Variants in TMEFF1 observed in about 807,000 individuals in gnomAD.
The protein encoded by TMEFF1 is tomoregulin-1.
A neutral mutation model predicts 47.5 loss-of-function variants in TMEFF1; 20 were observed. The ratio of observed to expected loss-of-function variants is 0.42; its 90% CI spans 0.30 to 0.61. The LOEUF (loss-of-function observed/expected upper bound fraction) is 0.61. Among genes scored for constraint, TMEFF1 ranks in the 20% least tolerant of loss-of-function variants. The pLI, the probability that TMEFF1 is intolerant of heterozygous loss-of-function variation, is 0.19. For missense variants in TMEFF1, 411 were observed against 471.1 expected (o/e 0.87, Z 1.18); for synonymous variants, 162 against 166.3 (o/e 0.97, Z 0.20).
At chr9:100,479,417 G>A (rs930757571) in intron 1 of TMEFF1, among the ~76,000 whole-genome samples, 2 of 152,176 alleles carry the variant, frequency 1.3e-5, no homozygotes, top group African/African-American at 4.8e-5. Flanking sequence ...AAGGGGTACA[G>A]TTAAGTGGAT....
chr9:100,511,205 T>G (rs1269221529), intron 3 of TMEFF1, among the ~76,000 whole-genome samples: 1 of 152,200 alleles, frequency 6.6e-6, no homozygotes, highest in Non-Finnish European at 1.5e-5. Flanking sequence ...GATCTAGAAA[T>G]TAAAGAGGAA....
chr9:100,487,994 G>T (rs954552912), intron 1 of TMEFF1, among the ~76,000 whole-genome samples: 4 of 151,946 alleles, frequency 2.6e-5, no homozygotes, highest in African/African-American at 7.3e-5. Flanking sequence ...CATCTTTGTG[G>T]GTGATTTCCC....
chr9:100,549,811 G>A (rs1195293669), intron 6 of TMEFF1, among the ~76,000 whole-genome samples: 1 of 152,132 alleles, frequency 6.6e-6, no homozygotes, highest in Non-Finnish European at 1.5e-5. Context: ...TCTCAGAGTA[G>A]GTGTTGTTTT....
chr9:100,523,370 T>G (rs1838201500), intron 5 of TMEFF1, among the ~76,000 whole-genome samples: 2 of 152,290 alleles, frequency 1.3e-5, no homozygotes, highest in South Asian at 4.1e-4. Context: ...AAAAGCAACC[T>G]CTGCATAGCA....
intron 1 of TMEFF1, 86 bp from the exon 2 acceptor site, chr9:100,498,679 T>C (rs1837702603): frequency 1.6e-6 from 2 of 1,285,086 alleles, no homozygotes; most frequent in Non-Finnish European, 2.2e-6. Flanking sequence ...TTAAGGACTT[T>C]TTCATACACA....
intron 5 of TMEFF1, among the ~76,000 whole-genome samples, chr9:100,535,201 T>C (rs1838478910): frequency 6.6e-6 from 1 of 152,186 alleles, no homozygotes; most frequent in Admixed American, 6.5e-5. Flanking sequence ...GCTGTACTTT[T>C]TTCCCCCTTG....
intron 2 of TMEFF1, 148 bp from the exon 3 acceptor site, chr9:100,508,857 A>G (rs1587827719): frequency 9.3e-7 from 1 of 1,071,532 alleles, no homozygotes; most frequent in East Asian, 3.3e-5. Flanking sequence ...GAAGTAGCAT[A>G]ATTCTTTTTA....
chr9:100,513,253 A>G, intron 3 of TMEFF1, 54 bp from the exon 4 acceptor site: 1 of 1,575,946 alleles, frequency 6.3e-7, no homozygotes. Context: ...ATTATTTGAT[A>G]AGATGAAATT....
intron 3 of TMEFF1, among the ~76,000 whole-genome samples, chr9:100,509,545 G>A (rs533594043): frequency 6.2e-4 from 95 of 152,094 alleles, no homozygotes; most frequent in African/African-American, 2.2e-3. Flanking sequence ...AGGCTGAGGC[G>A]GGCAGATTAC....
intron 5 of TMEFF1, among the ~76,000 whole-genome samples, chr9:100,518,092 C>T (rs1041369779): frequency 6.6e-6 from 1 of 152,026 alleles, no homozygotes; most frequent in Non-Finnish European, 1.5e-5. Flanking sequence ...ATTTTTCATG[C>T]CTAAATTTAA....
At chr9:100,518,394 A>G (rs1251654703) in intron 5 of TMEFF1, 3 of 979,424 alleles carry the variant, frequency 3.1e-6, no homozygotes, top group Non-Finnish European at 3.6e-6. Context: ...TATTTATCTG[A>G]GAGCTTGCCA....
In TMEFF1 at chr9:100,514,690, C is replaced by CA. The variant is rs10549105; in HGVS notation, c.463+1374dup. On this transcript the variant is annotated intron_variant, in intron 4 of 9. Coordinates refer to ENST00000374879, the MANE Select transcript of TMEFF1 (RefSeq NM_003692.5). ...ACATAGTGAGACCCTGTCTCTACCCCAAAAAAAAAAAAAAAAACAAAAGGC... is the reference window on the plus strand; with the variant it reads ...ACATAGTGAGACCCTGTCTCTACCCCAAAAAAAAAAAAAAAAAACAAAAGGC... Among the ~76,000 whole-genome samples, 622 of 101,448 alleles carry CA rather than the reference C, an allele frequency of 6.1e-3. 1 individual carries two copies. Among genetic ancestry groups the CA allele is most frequent in the Admixed American group, 7.4e-3 (70 of 9,510 alleles). 66.6% of individuals were successfully genotyped at this position (101,448 alleles called of 152,430 possible).
At chr9:100,542,879 G>A (rs1036209078) in intron 5 of TMEFF1, among the ~76,000 whole-genome samples, 7 of 148,464 alleles carry the variant, frequency 4.7e-5, no homozygotes, top group African/African-American at 1.7e-4. Flanking sequence ...GAATGCTAAT[G>A]AGATTTTTGT....
rs1587832074 is a variant in TMEFF1 at position 100,516,602 on chromosome 9, TG to T, written c.464-72del. On this transcript the variant is annotated intron_variant, in intron 4 of 9. Transcript: ENST00000374879. The stretch of plus-strand genomic sequence containing the variant: ...TTTTCCTCAGAAACAGGATAATGAC[TG>T]CTGAAAACATGAAGCATATCTGGAA... 5.8e-6 allele frequency: 9 copies of T among 1,552,358 alleles called. No homozygotes were observed. The East Asian group carries it at 2.0e-4, about 35-fold the overall frequency.
intron 4 of TMEFF1, among the ~76,000 whole-genome samples, chr9:100,516,252 A>G (rs1026624923): frequency 1.3e-5 from 2 of 152,146 alleles, no homozygotes; most frequent in Non-Finnish European, 2.9e-5. Context: ...AAAAGGTGAG[A>G]GTTACATTCT....
At chr9:100,506,028 C>T (rs1358926264) in intron 2 of TMEFF1, among the ~76,000 whole-genome samples, 2 of 152,180 alleles carry the variant, frequency 1.3e-5, no homozygotes, top group East Asian at 1.9e-4. Flanking sequence ...AGGGAGGCTT[C>T]CTAAAATAAA....
At chr9:100,526,315 A>C (rs1838252350) in intron 5 of TMEFF1, among the ~76,000 whole-genome samples, 1 of 151,808 alleles carries the variant, frequency 6.6e-6, no homozygotes, top group Admixed American at 6.6e-5. Flanking sequence ...CTAGATACTT[A>C]CTGACTTCCA....
chr9:100,530,758 C>T (rs934424731), intron 5 of TMEFF1, among the ~76,000 whole-genome samples: 1 of 152,092 alleles, frequency 6.6e-6, no homozygotes, highest in African/African-American at 2.4e-5. Context: ...CATTCTGATA[C>T]CAAAGCCGGG....
chr9:100,473,914 C>G lies in TMEFF1; in HGVS notation c.196+174C>G, dbSNP rs988429464. On this transcript the variant is annotated intron_variant, in intron 1 of 9. Transcript: ENST00000374879. This position sits in a 1 kb window ranked among gnomAD's most constrained non-coding sequence, Gnocchi z 5.4. Reference sequence around the variant, plus strand: ...CGAGCGTGCGGTGTGGCTTTGGGACCGGCGCTGGGGATGGGAGTGGCCGTG... The same window carrying G: ...CGAGCGTGCGGTGTGGCTTTGGGACGGGCGCTGGGGATGGGAGTGGCCGTG... Among the ~76,000 whole-genome samples, 2 of 151,182 alleles carry G rather than the reference C, an allele frequency of 1.3e-5. No individual in the cohort carries two copies. Among genetic ancestry groups the G allele is most frequent in the South Asian group, 4.2e-4 (2 of 4,794 alleles).
Sources: gnomAD v4.1 joint callset for allele counts (sites outside exome capture counted in the v4.1 genomes callset) on GRCh38, gnomAD v4.1.1 for gene constraint, Gnocchi (gnomAD v3.1) non-coding constraint, MANE v1.5 for transcripts, NCBI Gene and HGNC (gene_info 2026-07-23, HGNC 2026-07-21) for gene names.